CDKAL1: variants seen among roughly 807,000 people sequenced by gnomAD.
CDKAL1 encodes threonylcarbamoyladenosine tRNA methylthiotransferase.
CDKAL1 carries 32 observed loss-of-function variants against 68.2 expected under a neutral mutation model. The ratio of observed to expected loss-of-function variants is 0.47; its 90% CI spans 0.35 to 0.63. The LOEUF is 0.63. CDKAL1 is among the 30% of genes least tolerant of loss of function. CDKAL1 has a pLI of 0.00. For missense variants in CDKAL1, 606 were observed against 696.7 expected (o/e 0.87, Z 1.47); for synonymous variants, 234 against 244.3 (o/e 0.96, Z 0.39).
At chr6:21,110,213 A>G (rs1278430191) in intron 13 of CDKAL1, among the ~76,000 whole-genome samples, 1 of 152,178 alleles carries the variant, frequency 6.6e-6, no homozygotes, top group Non-Finnish European at 1.5e-5. Context: ...TTCTGGATGT[A>G]CAGTAGTGAA....
chr6:20,672,645 G>A (rs11968848), intron 5 of CDKAL1, among the ~76,000 whole-genome samples: 14,094 of 152,026 alleles, frequency 0.093, 2,107 homozygotes, highest in African/African-American at 0.32. Flanking sequence ...GTGAGCTACC[G>A]TGTCTGGCCT....
At chr6:20,900,898 A>G (rs911298650) in intron 9 of CDKAL1, among the ~76,000 whole-genome samples, 8 of 152,254 alleles carry the variant, frequency 5.3e-5, no homozygotes, top group African/African-American at 1.9e-4. Flanking sequence ...GTTAAATACT[A>G]AAATGAAAAA....
chr6:21,103,032 C>A (rs996161780), intron 12 of CDKAL1, among the ~76,000 whole-genome samples: 1 of 152,190 alleles, frequency 6.6e-6, no homozygotes, highest in Non-Finnish European at 1.5e-5. Flanking sequence ...TTAAACATAT[C>A]AAACCCTTTG....
chr6:21,205,470 C>CTTTTG (rs113246770), intron 15 of CDKAL1, among the ~76,000 whole-genome samples: 10,014 of 151,916 alleles, frequency 0.066, 374 homozygotes, highest in Non-Finnish European at 0.075. Context: ...CTTATTTTCT[C>CTTTTG]TTTTGTTTTG....
intron 9 of CDKAL1, among the ~76,000 whole-genome samples, chr6:20,921,837 T>A (rs1762970153): frequency 6.6e-6 from 1 of 152,246 alleles, no homozygotes. Flanking sequence ...GTGGAAAATT[T>A]AAACCCTCCC....
At chr6:20,586,614 G>T (rs1765366814) in intron 4 of CDKAL1, among the ~76,000 whole-genome samples, 2 of 152,154 alleles carry the variant, frequency 1.3e-5, no homozygotes, top group Non-Finnish European at 2.9e-5. Context: ...CTCCGGCCTG[G>T]GTGACGAGTG....
chr6:20,858,698 C>T (rs1346017437), intron 9 of CDKAL1, among the ~76,000 whole-genome samples: 1 of 152,084 alleles, frequency 6.6e-6, no homozygotes, highest in Non-Finnish European at 1.5e-5. Context: ...CATTTTGATA[C>T]ATTTACATGA....
chr6:20,943,648 T>A (rs924782276), intron 9 of CDKAL1, among the ~76,000 whole-genome samples: 3 of 149,254 alleles, frequency 2.0e-5, no homozygotes, highest in Admixed American at 2.0e-4. Context: ...TTCAAATATC[T>A]TCTTTTGTTT....
Position 20,992,196 on chromosome 6 carries a change from T to TATATA in CDKAL1, c.910-8031_910-8030insATATA, listed in dbSNP as rs1554155229. Among the ~76,000 whole-genome samples, 52 of 141,100 alleles carry TATATA rather than the reference T, an allele frequency of 3.7e-4. 1 individual carries two copies. Among genetic ancestry groups the TATATA allele is most frequent in the African/African-American group, 8.4e-4 (29 of 34,406 alleles). The allele number at this position is 141,100 out of a possible 152,430, so 92.6% of individuals were successfully genotyped here. A position where few individuals can be genotyped will look rare whatever the true frequency, so the allele number is the denominator to read the frequency against. On this transcript the variant is annotated intron_variant, in intron 10 of 15. Coordinates refer to ENST00000274695, the MANE Select transcript of CDKAL1 (RefSeq NM_017774.3). ...GCACACGTGACCATAGTCAGCTTTTTTATATATATATATATGTATTTTGTA... is the reference window on the plus strand; with the variant it reads ...GCACACGTGACCATAGTCAGCTTTTTATATATATATATATATATATGTATTTTGTA...
intron 4 of CDKAL1, among the ~76,000 whole-genome samples, chr6:20,597,365 C>T (rs1347389568): frequency 4.6e-5 from 7 of 151,996 alleles, no homozygotes; most frequent in South Asian, 2.1e-4. Context: ...CCTGATCTCA[C>T]GATCCGCCCA....
Position 21,191,992 on chromosome 6 carries a change from C to CTTTTTTTTTTTT in CDKAL1, c.1300-6000_1300-5989dup, listed in dbSNP as rs145894251. Reference sequence around the variant, plus strand: ...AGGAATATTTTTATAATTCATTTTTCTTTTTTTTTTTTTTTTTTTTTTTTT... The same window carrying CTTTTTTTTTTTT: ...AGGAATATTTTTATAATTCATTTTTCTTTTTTTTTTTTTTTTTTTTTTTTTTTTTTTTTTTTT... On this transcript the variant is annotated intron_variant, in intron 13 of 15. Transcript: ENST00000274695. 9.3e-4 allele frequency among the ~76,000 whole-genome samples: 32 copies of CTTTTTTTTTTTT among 34,530 alleles called. 10 individuals carry two copies. Among genetic ancestry groups the CTTTTTTTTTTTT allele is most frequent in the East Asian group, 3.1e-3 (3 of 958 alleles). 22.7% of individuals were successfully genotyped at this position (34,530 alleles called of 152,430 possible).
rs1358727575 is a variant in CDKAL1 at position 21,231,026 on chromosome 6, A to C, written c.1727A>C (p.Lys576Thr). 3 of 1,604,534 alleles carry C rather than the reference A, an allele frequency of 1.9e-6. No homozygotes were observed. In the South Asian group the frequency reaches 3.3e-5, roughly 18 times the overall value. The stretch of plus-strand genomic sequence containing the variant: ...GGTCTTCTTTTTGCTTTTTTTGTCA[A>C]GGTCTATAATTAGAATACAACTAAT... Reference protein sequence around the residue: ...LLGLLFAFFVKVYN With the variant: ...LLGLLFAFFVTVYN Residue 576 changes from lysine (K) to threonine (T), a missense_variant, in exon 16 of 16, where the codon AAG becomes ACG. By Grantham distance (78) the Lys-to-Thr change is moderately conservative. Coordinates refer to ENST00000274695, the MANE Select transcript of CDKAL1 (RefSeq NM_017774.3).
chr6:21,197,708 T>C (rs530193824), intron 13 of CDKAL1, among the ~76,000 whole-genome samples: 21 of 152,320 alleles, frequency 1.4e-4, no homozygotes, highest in Middle Eastern at 3.4e-3. Context: ...TTAGAAGATT[T>C]TTGTATGTCA....
intron 10 of CDKAL1, among the ~76,000 whole-genome samples, chr6:20,963,713 A>G (rs1765166136): frequency 6.6e-6 from 1 of 152,182 alleles, no homozygotes; most frequent in African/African-American, 2.4e-5. Context: ...CTTCCTGAGG[A>G]ACACAAGAAC....
At chr6:20,794,004 T>A (rs1776010826) in intron 8 of CDKAL1, among the ~76,000 whole-genome samples, 1 of 151,650 alleles carries the variant, frequency 6.6e-6, no homozygotes, top group Admixed American at 6.6e-5. Flanking sequence ...GCTTTGCTTA[T>A]ACATATATAT....
chr6:20,838,306 C>T (rs1041933787), intron 8 of CDKAL1, among the ~76,000 whole-genome samples: 6 of 152,026 alleles, frequency 3.9e-5, no homozygotes, highest in Non-Finnish European at 4.4e-5. Flanking sequence ...CTTGGACATT[C>T]GTAAGTTAGC....
intron 9 of CDKAL1, among the ~76,000 whole-genome samples, chr6:20,862,735 G>A (rs1280770745): frequency 6.6e-6 from 1 of 152,074 alleles, no homozygotes. Flanking sequence ...CATTTAAGAA[G>A]AAACACTGAG....
At chr6:20,966,653 T>C (rs1374135134) in intron 10 of CDKAL1, among the ~76,000 whole-genome samples, 1 of 152,200 alleles carries the variant, frequency 6.6e-6, no homozygotes, top group Non-Finnish European at 1.5e-5. Flanking sequence ...ACTATCAATA[T>C]AACATTGATT....
intron 12 of CDKAL1, among the ~76,000 whole-genome samples, chr6:21,098,361 G>GA (rs897406491): frequency 1.3e-4 from 20 of 152,064 alleles, no homozygotes; most frequent in Non-Finnish European, 2.5e-4. Context: ...ACTGTAGGGG[G>GA]AATGAAGGAC....
Sources: gnomAD v4.1 joint callset for allele counts (sites outside exome capture counted in the v4.1 genomes callset) on GRCh38, gnomAD v4.1.1 for gene constraint, MANE v1.5 for transcripts, NCBI Gene and HGNC (gene_info 2026-07-23, HGNC 2026-07-21) for gene names.